UBE2W: variants seen among roughly 807,000 people sequenced by gnomAD.
UBE2W encodes the protein ubiquitin-conjugating enzyme E2 W.
A neutral mutation model predicts 27.2 loss-of-function variants in UBE2W; 18 were observed. The observed-to-expected ratio is 0.66, with a 90% CI of 0.46 to 0.98. The LOEUF is 0.98. Among genes scored for constraint, UBE2W ranks in the 50% least tolerant of loss-of-function variants. The probability of loss-of-function intolerance (pLI) is 0.00; values close to 1 mark genes in which losing one functional copy is unlikely to be tolerated. For missense variants in UBE2W, 90 were observed against 180.2 expected, an observed-to-expected ratio of 0.50 and a Z score of 2.87; for synonymous variants, 53 against 57.2, an observed-to-expected ratio of 0.93 and a Z score of 0.33.
At chr8:73,794,463 A>G (rs1168735800) in intron 5 of UBE2W, among the ~76,000 whole-genome samples, 3 of 152,228 alleles carry the variant, frequency 2.0e-5, no homozygotes, top group Non-Finnish European at 4.4e-5. Flanking sequence ...ATGAGACAGA[A>G]GTAAACTCCT....
chr8:73,866,318 T>TATATATATAC (rs1404182551), intron 1 of UBE2W, among the ~76,000 whole-genome samples: 1 of 126,006 alleles, frequency 7.9e-6, no homozygotes, highest in Non-Finnish European at 1.7e-5. Flanking sequence ...TATATATATA[T>TATATATATAC]ACTCAGCAAT....
Position 73,809,985 on chromosome 8 carries a change from C to T in UBE2W, c.366+489G>A, listed in dbSNP as rs117085092. On this transcript the variant is annotated intron_variant, in intron 4 of 5. Transcript: ENST00000602593. ...TAATAAAGGAGAACAGGAAGAAACG[C>T]CCTGAAAATTCGACTGGTAAACTGG... Among the ~76,000 whole-genome samples the T allele has an allele frequency of 4.2e-3, 637 of 152,220 alleles. 6 individuals are homozygous for T. The Middle Eastern group carries it at 0.051, about 12-fold the overall frequency.
intron 1 of UBE2W, among the ~76,000 whole-genome samples, chr8:73,858,737 T>C (rs1811409657): frequency 6.6e-6 from 1 of 151,584 alleles, no homozygotes; most frequent in Non-Finnish European, 1.5e-5. Context: ...ATTTTTACTA[T>C]TTAGGATCAT....
intron 2 of UBE2W, among the ~76,000 whole-genome samples, chr8:73,827,304 C>A (rs1809884083): frequency 6.6e-6 from 1 of 152,132 alleles, no homozygotes; most frequent in Non-Finnish European, 1.5e-5. Context: ...ACCTCCGCCT[C>A]CTGGGTTCAA....
At position 73,789,183 on chromosome 8, in the gene UBE2W, CA is replaced by C; in HGVS notation, c.*4918del. 1 of 984,720 alleles carries C rather than the reference CA, an allele frequency of 1.0e-6. No homozygotes were observed. Among genetic ancestry groups the C allele is most frequent in the South Asian group, 4.7e-5 (1 of 21,232 alleles). The allele number at this position is 984,720 out of a possible 1,614,324, so 61.0% of individuals were successfully genotyped here. ...TGTACATAAACCTGTCTTAAATCGG[CA>C]AACAGACGAGGCATGGTGGCTTGCA... On this transcript the variant is annotated 3_prime_UTR_variant, in exon 6 of 6. Coordinates refer to ENST00000602593, the MANE Select transcript of UBE2W (RefSeq NM_018299.6).
At position 73,793,591 on chromosome 8, in the gene UBE2W, A is replaced by T; in HGVS notation, c.*511T>A. On this transcript the variant is annotated 3_prime_UTR_variant, in exon 6 of 6. Transcript: ENST00000602593. ...TTAGGATCACAGTGCATAGAATCCA[A>T]ATATAAACAGTTGGGGTGACTTTTA... The T allele has an allele frequency of 1.0e-6, 1 of 986,128 alleles. No individual in the cohort carries two copies. The highest frequency in any genetic ancestry group is 1.2e-6 in the Non-Finnish European group (1 of 830,126). 61.1% of individuals were successfully genotyped at this position (986,128 alleles called of 1,614,324 possible).
chr8:73,843,100 A>G (rs1810614839), intron 1 of UBE2W, among the ~76,000 whole-genome samples: 1 of 152,212 alleles, frequency 6.6e-6, no homozygotes, highest in Non-Finnish European at 1.5e-5. Flanking sequence ...GTATGATATC[A>G]CTGATATGAA....
Position 73,786,291 on chromosome 8 carries a change from T to C in UBE2W, c.*7811A>G. Reference sequence around the variant, plus strand: ...TGGGATAGAAAGAGCAGGGTCCTGTTATACATTTTACTCAGGTGGTGGTTC... The same window carrying C: ...TGGGATAGAAAGAGCAGGGTCCTGTCATACATTTTACTCAGGTGGTGGTTC... On this transcript the variant is annotated 3_prime_UTR_variant, in exon 6 of 6. Coordinates refer to ENST00000602593, the MANE Select transcript of UBE2W (RefSeq NM_018299.6). The C allele has an allele frequency of 1.7e-5, 17 of 985,466 alleles. No homozygotes were observed. Among genetic ancestry groups the C allele is most frequent in the Non-Finnish European group, 2.0e-5 (17 of 829,936 alleles). The allele number at this position is 985,466 out of a possible 1,614,324, so 61.0% of individuals were successfully genotyped here.
At chr8:73,799,680 C>T (rs1465523099) in intron 5 of UBE2W, among the ~76,000 whole-genome samples, 1 of 152,192 alleles carries the variant, frequency 6.6e-6, no homozygotes, top group East Asian at 1.9e-4. Flanking sequence ...AAGCACCACA[C>T]AGGAGGACTG....
intron 1 of UBE2W, among the ~76,000 whole-genome samples, chr8:73,875,830 G>A (rs1812195183): frequency 1.3e-5 from 2 of 151,932 alleles, no homozygotes; most frequent in East Asian, 1.9e-4. Context: ...CGAGTGGATC[G>A]CCTGAGGTCA....
Position 73,825,196 on chromosome 8 carries a change from A to T in UBE2W, c.161T>A (p.Phe54Tyr). 6.4e-7 allele frequency: 1 copy of T among 1,564,382 alleles called. No homozygotes were observed. The highest frequency in any genetic ancestry group is 8.7e-7 in the Non-Finnish European group (1 of 1,152,934). Reference protein sequence around the residue: ...APGTLYEGEKFQLLFKFSSRY... With the variant: ...APGTLYEGEKYQLLFKFSSRY... ...ACTACTAAATTTAAATAGAAGTTGAAATTTTTCCCCTTCATATAAGGTACC... is the reference window on the plus strand; with the variant it reads ...ACTACTAAATTTAAATAGAAGTTGATATTTTTCCCCTTCATATAAGGTACC... The change falls in exon 3 of 6, where the codon TTT (phenylalanine) becomes TAT (tyrosine). Residue 54 changes from phenylalanine to tyrosine, a missense_variant. By Grantham distance (22) the Phe-to-Tyr change is conservative. Coordinates refer to ENST00000602593, the MANE Select transcript of UBE2W (RefSeq NM_018299.6).
chr8:73,863,237 A>G (rs1811600621), intron 1 of UBE2W, among the ~76,000 whole-genome samples: 2 of 146,392 alleles, frequency 1.4e-5, no homozygotes, highest in Admixed American at 1.3e-4. Flanking sequence ...ACCATGGAAT[A>G]CTATGCAGCC....
At chr8:73,805,472 C>CAAACAAAAAAAAAAAAACAACAAAAA (rs1254739442) in intron 5 of UBE2W, among the ~76,000 whole-genome samples, 179 bp downstream of exon 5, 3 of 43,674 alleles carry the variant, frequency 6.9e-5, no homozygotes, top group Non-Finnish European at 1.5e-4. Flanking sequence ...AAAAAAAAAA[C>CAAACAAAAAAAAAAAAACAACAAAAA]AAAAAAAACT....
At chr8:73,780,816 G>A (rs1054340125) in intron 4 of UBE2W, among the ~76,000 whole-genome samples, 4 of 151,930 alleles carry the variant, frequency 2.6e-5, no homozygotes, top group African/African-American at 7.3e-5. Context: ...GAGCCACGAC[G>A]CCTGACCTGG....
chr8:73,846,383 C>T (rs556327314), intron 1 of UBE2W, among the ~76,000 whole-genome samples: 60 of 151,894 alleles, frequency 4.0e-4, no homozygotes, highest in Middle Eastern at 3.4e-3. Context: ...GCAACAAGAG[C>T]GAAACTCCAT....
chr8:73,789,859 A>T lies in UBE2W; in HGVS notation c.*4243T>A. The T allele has an allele frequency of 3.4e-6, 3 of 892,366 alleles. No homozygotes were observed. The highest frequency in any genetic ancestry group is 4.0e-6 in the Non-Finnish European group (3 of 745,270). The allele number at this position is 892,366 out of a possible 1,614,324, so 55.3% of individuals were successfully genotyped here. On this transcript the variant is annotated 3_prime_UTR_variant, in exon 6 of 6. Transcript: ENST00000602593. ...CTCAAAAATAAATAAATAAATAAAT[A>T]ATAAAAATAATCATTCCACATCTCA...
intron 1 of UBE2W, among the ~76,000 whole-genome samples, chr8:73,845,122 C>T (rs1045604466): frequency 7.9e-5 from 12 of 152,202 alleles, no homozygotes; most frequent in Admixed American, 6.5e-4. Context: ...GCCGCCGCCC[C>T]GTCTGGGAGG....
At chr8:73,876,964 T>A (rs1282761727) in intron 1 of UBE2W, among the ~76,000 whole-genome samples, 1 of 151,962 alleles carries the variant, frequency 6.6e-6, no homozygotes, top group Non-Finnish European at 1.5e-5. Flanking sequence ...CGAAACTCCA[T>A]CTCAAAAAAG....
At chr8:73,873,220 T>TAA (rs1403533839) in intron 1 of UBE2W, among the ~76,000 whole-genome samples, 1 of 152,184 alleles carries the variant, frequency 6.6e-6, no homozygotes, top group East Asian at 1.9e-4. Flanking sequence ...TTTTCTAACT[T>TAA]TTAATTATGT....
Sources: gnomAD v4.1 joint callset for allele counts (sites outside exome capture counted in the v4.1 genomes callset) on GRCh38, gnomAD v4.1.1 for gene constraint, MANE v1.5 for transcripts, NCBI Gene and HGNC (gene_info 2026-07-23, HGNC 2026-07-21) for gene names.